Variants in PPFIBP1 observed in about 807,000 individuals in gnomAD.
The protein encoded by PPFIBP1 is liprin-beta-1.
A neutral mutation model predicts 137.8 loss-of-function variants in PPFIBP1; 112 were observed. The observed-to-expected ratio is 0.81, with a 90% CI of 0.70 to 0.95. The LOEUF (loss-of-function observed/expected upper bound fraction) is 0.95, where lower values mean the gene tolerates loss of function less well. Among genes scored for constraint, PPFIBP1 ranks in the 40% least tolerant of loss-of-function variants. The pLI, the probability that PPFIBP1 is intolerant of heterozygous loss-of-function variation, is 0.00. For synonymous variants in PPFIBP1, 378 were observed against 417.3 expected (o/e 0.91, Z 1.15); for missense variants, 1,083 against 1,196.6 (o/e 0.91, Z 1.40).
At chr12:27,660,817 G>A in intron 10 of PPFIBP1, 67 bp from the exon 11 acceptor site, 1 of 1,563,796 alleles carries the variant, frequency 6.4e-7, no homozygotes, top group South Asian at 1.2e-5. Flanking sequence ...AGTCTGGAGA[G>A]TAAATAACTT....
At chr12:27,599,019 G>A (rs2053656974) in intron 2 of PPFIBP1, among the ~76,000 whole-genome samples, 1 of 152,152 alleles carries the variant, frequency 6.6e-6, no homozygotes, top group Non-Finnish European at 1.5e-5. Context: ...CTAAGAATTG[G>A]AACACTTCCT....
At chr12:27,680,291 A>G (rs1294827737) in intron 21 of PPFIBP1, among the ~76,000 whole-genome samples, 2 of 152,242 alleles carry the variant, frequency 1.3e-5, no homozygotes, top group African/African-American at 2.4e-5. Context: ...TGTCAGCAGC[A>G]TCTGTGTTAG....
rs572471182 is a variant in PPFIBP1 at position 27,600,166 on chromosome 12, G to A, written c.-36+21927G>A. Among the ~76,000 whole-genome samples, 7 of 152,226 alleles carry A rather than the reference G, an allele frequency of 4.6e-5. 1 individual carries two copies. The highest frequency in any genetic ancestry group is 2.1e-4 in the South Asian group (1 of 4,826). On this transcript the variant is annotated intron_variant, in intron 2 of 29. Transcript: ENST00000228425. ...AAGAGTTGAAAGAAGAGCTGGGCAC[G>A]GTGGCTCATGCCTATAATCCTAGCA...
intron 1 of PPFIBP1, among the ~76,000 whole-genome samples, chr12:27,572,990 A>G (rs552948583): frequency 6.6e-6 from 1 of 152,332 alleles, no homozygotes; most frequent in South Asian, 2.1e-4. Context: ...AAGTTTGCTC[A>G]TAAGAGTTAC....
At chr12:27,626,148 T>C (rs979723717) in intron 2 of PPFIBP1, among the ~76,000 whole-genome samples, 1 of 151,892 alleles carries the variant, frequency 6.6e-6, no homozygotes, top group Non-Finnish European at 1.5e-5. Flanking sequence ...GGCTAATAGA[T>C]TGGGGAGGAA....
At chr12:27,578,497 G>A (rs2050760268) in intron 2 of PPFIBP1, among the ~76,000 whole-genome samples, 1 of 151,312 alleles carries the variant, frequency 6.6e-6, no homozygotes, top group Admixed American at 6.6e-5. Flanking sequence ...GCACTGAGAA[G>A]GAAGACACAG....
chr12:27,597,462 G>A (rs1375054874), intron 2 of PPFIBP1, among the ~76,000 whole-genome samples: 8 of 151,978 alleles, frequency 5.3e-5, no homozygotes, highest in Admixed American at 3.9e-4. Flanking sequence ...CCACCAAAAT[G>A]AGATTTAAAA....
At position 27,575,980 on chromosome 12, in the gene PPFIBP1, T is replaced by C. The variant is rs549195640; in HGVS notation, c.-123-2172T>C. 2.1e-3 allele frequency among the ~76,000 whole-genome samples: 317 copies of C among 152,332 alleles called. 2 individuals are homozygous for C. Among genetic ancestry groups the C allele is most frequent in the Admixed American group, 4.5e-3 (69 of 15,310 alleles). ...AAAACTCAAAAAATATAATGGTTCA[T>C]GTTTATAAATGTTTTTGTGTATTCA... On this transcript the variant is annotated intron_variant, in intron 1 of 29. Transcript: ENST00000228425.
At chr12:27,590,669 G>A (rs12099664) in intron 2 of PPFIBP1, among the ~76,000 whole-genome samples, 39,348 of 152,078 alleles carry the variant, frequency 0.26, 5,283 homozygotes, top group Middle Eastern at 0.32. Context: ...ATATTGCCCA[G>A]TAGTAACCCT....
At position 27,664,367 on chromosome 12, in the gene PPFIBP1, G is replaced by A. The variant is rs778321797; in HGVS notation, c.912G>A (p.Arg304=). The A allele has an allele frequency of 1.2e-6, 2 of 1,606,288 alleles. No homozygotes were observed. Among genetic ancestry groups the A allele is most frequent in the Admixed American group, 3.3e-5 (2 of 59,946 alleles). The part of the protein sequence containing the change: ...SLMAANEEKD[R]KIEDLRQCLN... ...ACAATTTATTTTATTCCTAGGATCGGAAAATAGAAGATCTTCGACAGTGCC... is the reference window on the plus strand; with the variant it reads ...ACAATTTATTTTATTCCTAGGATCGAAAAATAGAAGATCTTCGACAGTGCC... Residue 304 remains arginine (R), a synonymous_variant, in exon 12 of 30, where the codon CGG becomes CGA. Coordinates refer to ENST00000228425, the MANE Select transcript of PPFIBP1 (RefSeq NM_003622.4).
At chr12:27,632,855 ATG>A (rs900365643) in intron 2 of PPFIBP1, among the ~76,000 whole-genome samples, 1 of 152,174 alleles carries the variant, frequency 6.6e-6, no homozygotes, top group African/African-American at 2.4e-5. Flanking sequence ...GTAGGGGTGT[ATG>A]TGTGTGTTTG....
chr12:27,535,564 C>T, intron 1 of PPFIBP1, among the ~76,000 whole-genome samples: 1 of 146,338 alleles, frequency 6.8e-6, no homozygotes, highest in East Asian at 1.9e-4. Context: ...AGATGCGTGC[C>T]TGGCAATTTT....
At chr12:27,662,704 G>A (rs2059624441) in intron 11 of PPFIBP1, among the ~76,000 whole-genome samples, 1 of 152,174 alleles carries the variant, frequency 6.6e-6, no homozygotes, top group African/African-American at 2.4e-5. Flanking sequence ...GGGAAAGAAT[G>A]AGCTTAATTG....
intron 1 of PPFIBP1, chr12:27,538,305 C>A (rs1252326782): frequency 6.6e-6 from 1 of 152,198 alleles, no homozygotes; most frequent in Non-Finnish European, 1.5e-5. Context: ...AGCAGGTAAT[C>A]AAATTTTGGG....
intron 6 of PPFIBP1, among the ~76,000 whole-genome samples, chr12:27,648,480 C>T (rs554405143): frequency 6.6e-6 from 1 of 152,216 alleles, no homozygotes; most frequent in Admixed American, 6.5e-5. Flanking sequence ...CCATATGATC[C>T]AGCAATGCCA....
At chr12:27,681,756 A>C in intron 22 of PPFIBP1, 60 bp downstream of exon 22, 3 of 1,584,718 alleles carry the variant, frequency 1.9e-6, no homozygotes, top group Non-Finnish European at 2.6e-6. Context: ...GTATGAATGT[A>C]GGGTTGTTTT....
intron 1 of PPFIBP1, among the ~76,000 whole-genome samples, chr12:27,539,861 A>T (rs1945458844): frequency 6.6e-6 from 1 of 152,040 alleles, no homozygotes; most frequent in Non-Finnish European, 1.5e-5. Flanking sequence ...TTCTTTTTCT[A>T]TTCCTATATT....
At chr12:27,692,042 A>AC in intron 28 of PPFIBP1, 114 bp downstream of exon 28, 1 of 881,002 alleles carries the variant, frequency 1.1e-6, no homozygotes, top group Non-Finnish European at 1.7e-6. Flanking sequence ...CTAAAAATAC[A>AC]GATAATAATA....
chr12:27,568,700 T>C (rs1214874247), intron 1 of PPFIBP1, among the ~76,000 whole-genome samples: 1 of 152,202 alleles, frequency 6.6e-6, no homozygotes, highest in Non-Finnish European at 1.5e-5. Flanking sequence ...ATTTAATGGC[T>C]TTGCTTCCAT....
Sources: gnomAD v4.1 joint callset for allele counts (sites outside exome capture counted in the v4.1 genomes callset) on GRCh38, gnomAD v4.1.1 for gene constraint, MANE v1.5 for transcripts, NCBI Gene and HGNC (gene_info 2026-07-23, HGNC 2026-07-21) for gene names.